DESI1: variants seen among roughly 807,000 people sequenced by gnomAD.
DESI1 encodes PPPDE peptidase domain containing 2.
DESI1 carries 17 observed loss-of-function variants against 22.4 expected under a neutral mutation model. That is an observed-to-expected ratio of 0.76 (90% CI 0.52 to 1.14). DESI1 has a LOEUF of 1.14. Among genes scored for constraint, DESI1 ranks in the 50% most tolerant of loss-of-function variants. The pLI is 0.00. For synonymous variants in DESI1, 92 were observed against 84.2 expected, an observed-to-expected ratio of 1.09 and a Z score of -0.51; for missense variants, 177 against 208.9, an observed-to-expected ratio of 0.85 and a Z score of 0.94.
At chr22:41,616,617 C>G (rs903819570) in intron 1 of DESI1, among the ~76,000 whole-genome samples, 1 of 151,080 alleles carries the variant, frequency 6.6e-6, no homozygotes, top group African/African-American at 2.4e-5. Context: ...TAAAGAGCAG[C>G]CAAAATTATT....
chr22:41,603,150 A>G (rs1569065240), intron 5 of DESI1, 109 bp downstream of exon 5: 2 of 1,524,108 alleles, frequency 1.3e-6, no homozygotes, highest in Non-Finnish European at 1.8e-6. Flanking sequence ...CCATCAGGGC[A>G]GGCCCACCTG....
intron 1 of DESI1, 118 bp from the exon 2 acceptor site, chr22:41,607,979 T>C: frequency 9.1e-7 from 1 of 1,104,674 alleles, no homozygotes; most frequent in Non-Finnish European, 1.3e-6. Context: ...CTTGAGGGAC[T>C]TTCTAGGAAT....
At chr22:41,603,159 T>C (rs2067458950) in intron 5 of DESI1, 100 bp downstream of exon 5, 10 of 1,564,110 alleles carry the variant, frequency 6.4e-6, no homozygotes, top group Non-Finnish European at 8.7e-6. Context: ...CAGGCCCACC[T>C]GGTTGGGAGG....
At chr22:41,601,290 G>A in intron 5 of DESI1, 100 bp from the exon 6 acceptor site, 1 of 1,127,680 alleles carries the variant, frequency 8.9e-7, no homozygotes, top group Non-Finnish European at 1.2e-6. Context: ...GTGGGCGCTG[G>A]TGGCAGCAGA....
intron 5 of DESI1, chr22:41,602,549 A>G (rs777244828): frequency 3.6e-4 from 355 of 985,382 alleles, no homozygotes; most frequent in Non-Finnish European, 4.0e-4. Context: ...ATAAGGCCAT[A>G]GTTCAGGAGA....
At chr22:41,604,778 CA>C (rs2067469585) in intron 3 of DESI1, among the ~76,000 whole-genome samples, 2 of 151,886 alleles carry the variant, frequency 1.3e-5, no homozygotes, top group Middle Eastern at 3.4e-3. Flanking sequence ...AGAAACTTTA[CA>C]AATTCACGTC....
At chr22:41,607,732 G>C in intron 2 of DESI1, 108 bp downstream of exon 2, 2 of 1,282,010 alleles carry the variant, frequency 1.6e-6, no homozygotes. Flanking sequence ...AAGATTTATA[G>C]CATGGAGAGC....
chr22:41,607,179 C>G, intron 3 of DESI1, 83 bp downstream of exon 3: 1 of 1,336,472 alleles, frequency 7.5e-7, no homozygotes, highest in Non-Finnish European at 1.0e-6. Flanking sequence ...TGCCAGAAGT[C>G]CATAGTAGAA....
intron 1 of DESI1, among the ~76,000 whole-genome samples, chr22:41,608,145 C>G (rs553433020): frequency 6.6e-6 from 1 of 152,312 alleles, no homozygotes; most frequent in African/African-American, 2.4e-5. Context: ...GTCAATTCAG[C>G]TATGCCTTTT....
intron 3 of DESI1, among the ~76,000 whole-genome samples, chr22:41,606,447 C>T (rs111679504): frequency 0.012 from 1,835 of 152,058 alleles, 41 homozygotes; most frequent in African/African-American, 0.042. Flanking sequence ...TGCTTGAGCA[C>T]CTACTGTGAC....
At chr22:41,607,918 C>T (rs2067492532) in intron 1 of DESI1, 57 bp from the exon 2 acceptor site, 1 of 1,602,220 alleles carries the variant, frequency 6.2e-7, no homozygotes, top group Non-Finnish European at 8.5e-7. Flanking sequence ...GCCCCTCAGC[C>T]TTGGTAAATT....
At chr22:41,616,905 G>C (rs1601516648) in intron 1 of DESI1, among the ~76,000 whole-genome samples, 2 of 152,216 alleles carry the variant, frequency 1.3e-5, no homozygotes, top group Non-Finnish European at 2.9e-5. Flanking sequence ...AACTGCGACA[G>C]AGCTAGATGA....
chr22:41,612,791 A>G (rs908235112), intron 1 of DESI1, among the ~76,000 whole-genome samples: 2 of 141,804 alleles, frequency 1.4e-5, no homozygotes, highest in East Asian at 4.0e-4. Context: ...GCGTCTCCCT[A>G]TGTTGTCAAG....
At chr22:41,612,848 G>A (rs749297424) in intron 1 of DESI1, among the ~76,000 whole-genome samples, 3 of 151,456 alleles carry the variant, frequency 2.0e-5, no homozygotes, top group African/African-American at 7.3e-5. Flanking sequence ...ACCTCCAGGC[G>A]TGAGCCACCA....
At chr22:41,616,709 T>C (rs1224941117) in intron 1 of DESI1, among the ~76,000 whole-genome samples, 2 of 152,218 alleles carry the variant, frequency 1.3e-5, no homozygotes, top group Non-Finnish European at 2.9e-5. Flanking sequence ...AATGAGGCTA[T>C]CTGCTCAATT....
intron 1 of DESI1, 50 bp downstream of exon 1, chr22:41,620,702 C>G: frequency 6.4e-7 from 1 of 1,556,148 alleles, no homozygotes; most frequent in Non-Finnish European, 8.7e-7. Context: ...CAGCCGCCAC[C>G]CTCTGGCCTG....
At position 41,598,725 on chromosome 22, in the gene DESI1, C is replaced by CA. The variant is rs1483843455; in HGVS notation, c.*2371dup. On this transcript the variant is annotated 3_prime_UTR_variant, in exon 6 of 6. Coordinates refer to ENST00000263256, the MANE Select transcript of DESI1 (RefSeq NM_015704.3). ...GGGTCTGGAGCAGGACCCTGGAAGACAGAGCCGGGCCAGGCAAGCTGGAAA... is the reference window on the plus strand; with the variant it reads ...GGGTCTGGAGCAGGACCCTGGAAGACAAGAGCCGGGCCAGGCAAGCTGGAAA... 2.0e-5 allele frequency: 3 copies of CA among 152,496 alleles called. No homozygotes were observed. Among genetic ancestry groups the CA allele is most frequent in the Non-Finnish European group, 2.9e-5 (2 of 68,250 alleles). The allele number at this position is 152,496 out of a possible 1,614,324, so 9.4% of individuals were successfully genotyped here. A position where few individuals can be genotyped will look rare whatever the true frequency, so the allele number is the denominator to read the frequency against.
rs1372998404 is a variant in DESI1, at chr22:41,599,488, A to C, written c.*1609T>G. On this transcript the variant is annotated 3_prime_UTR_variant, in exon 6 of 6. Transcript: ENST00000263256. Reference sequence around the variant, plus strand: ...GACAATGGAAATAACGTGTGCCTTCAAAACACATTTAGGATAAGGGAAAGT... The same window carrying C: ...GACAATGGAAATAACGTGTGCCTTCCAAACACATTTAGGATAAGGGAAAGT... 1.3e-5 allele frequency: 2 copies of C among 152,210 alleles called. No homozygotes were observed. The highest frequency in any genetic ancestry group is 3.9e-4 in the East Asian group (2 of 5,194). The allele number at this position is 152,210 out of a possible 1,614,324, so 9.4% of individuals were successfully genotyped here.
rs962719595 is a variant in DESI1, at chr22:41,605,118, A to T, written c.181-965T>A. ...AGGCCATCTCTCCATGCCTATTTGC[A>T]TAAAGTATGCAGCCAGTTTTTCTTA... On this transcript the variant is annotated intron_variant, in intron 3 of 5. Coordinates refer to ENST00000263256, the MANE Select transcript of DESI1 (RefSeq NM_015704.3). Among the ~76,000 whole-genome samples, 4 of 152,376 alleles carry T rather than the reference A, an allele frequency of 2.6e-5. 1 individual carries two copies. The highest frequency in any genetic ancestry group is 2.6e-4 in the Admixed American group (4 of 15,306).
Sources: gnomAD v4.1 joint callset for allele counts (sites outside exome capture counted in the v4.1 genomes callset) on GRCh38, gnomAD v4.1.1 for gene constraint, MANE v1.5 for transcripts, NCBI Gene and HGNC (gene_info 2026-07-23, HGNC 2026-07-21) for gene names.